The following PPP2R2C variants were observed in gnomAD, a reference collection of about 807,000 sequenced individuals.
The protein encoded by PPP2R2C is protein phosphatase 2, regulatory subunit B, gamma.
In PPP2R2C, 10 loss-of-function variants were observed where a neutral mutation model predicts 45.3. That is an observed-to-expected ratio of 0.22 (90% confidence interval 0.14 to 0.37). The LOEUF (loss-of-function observed/expected upper bound fraction) is 0.37, where lower values mean the gene tolerates loss of function less well. Among genes scored for constraint, PPP2R2C ranks in the 10% least tolerant of loss-of-function variants. The probability of loss-of-function intolerance (pLI) is 1.00; values close to 1 mark genes in which losing one functional copy is unlikely to be tolerated. For missense variants in PPP2R2C, 308 were observed against 619.7 expected (o/e 0.50, Z 5.34); for synonymous variants, 257 against 245.4 (o/e 1.05, Z -0.44).
At chr4:6,525,684 C>T (rs1211635859) in intron 2 of PPP2R2C, among the ~76,000 whole-genome samples, 1 of 152,114 alleles carries the variant, frequency 6.6e-6, no homozygotes, top group African/African-American at 2.4e-5. Context: ...CTTTCTTTTT[C>T]AGTTTCAACA....
intron 1 of PPP2R2C, among the ~76,000 whole-genome samples, chr4:6,561,580 A>G (rs1053313160): frequency 6.6e-6 from 1 of 152,040 alleles, no homozygotes; most frequent in African/African-American, 2.4e-5. Flanking sequence ...CAATTTTTTT[A>G]TTCCAAAAAG....
rs191238622 is a variant in PPP2R2C at position 6,495,545 on chromosome 4, T to C, written c.49+39726A>G. Among the ~76,000 whole-genome samples, 5 of 152,292 alleles carry C rather than the reference T, an allele frequency of 3.3e-5. No homozygotes were observed. The East Asian group carries it at 5.8e-4, about 18-fold the overall frequency. On this transcript the variant is annotated intron_variant, in intron 2 of 9. Coordinates refer to the PPP2R2C transcript ENST00000506140. ...TCCTGGTGAGGGAACAGGCACGGGATCAGGTCTGGGTTCATCCCATGCTCT... is the reference window on the plus strand; with the variant it reads ...TCCTGGTGAGGGAACAGGCACGGGACCAGGTCTGGGTTCATCCCATGCTCT...
In PPP2R2C at chr4:6,397,588, T is replaced by G. The variant is rs1332037204; in HGVS notation, c.71-16494A>C. 8.5e-5 allele frequency among the ~76,000 whole-genome samples: 13 copies of G among 152,278 alleles called. No homozygotes were observed. The East Asian group carries it at 2.3e-3, about 27-fold the overall frequency. On this transcript the variant is annotated intron_variant, in intron 1 of 8. Coordinates refer to ENST00000382599, the MANE Select transcript of PPP2R2C (RefSeq NM_020416.4). ...TCACAAGTTCTTGGCTAGGGGTGTG[T>G]ACCAGGAATGGTTGGAACCCACAGA... is the stretch of plus-strand genomic sequence containing the variant.
chr4:6,376,444 G>A (rs1715310132), intron 3 of PPP2R2C, among the ~76,000 whole-genome samples: 1 of 149,754 alleles, frequency 6.7e-6, no homozygotes, highest in Non-Finnish European at 1.5e-5. Flanking sequence ...GGAAGAAAGT[G>A]ACATGTCTTT....
chr4:6,537,616 T>C (rs187132479), intron 1 of PPP2R2C, among the ~76,000 whole-genome samples: 47 of 150,202 alleles, frequency 3.1e-4, no homozygotes, highest in Admixed American at 2.9e-3. Context: ...AGTGGTGCCA[T>C]CTCGGCTCAC....
At chr4:6,340,666 G>GC (rs960291034) in intron 6 of PPP2R2C, among the ~76,000 whole-genome samples, 1 of 152,204 alleles carries the variant, frequency 6.6e-6, no homozygotes, top group African/African-American at 2.4e-5. Flanking sequence ...GAACACGCTA[G>GC]CCCCCAGCCA....
chr4:6,452,068 C>T (rs1720765380), intron 1 of PPP2R2C, among the ~76,000 whole-genome samples: 1 of 152,162 alleles, frequency 6.6e-6, no homozygotes, highest in Admixed American at 6.5e-5. Context: ...TCCTCTGCCC[C>T]AGAGTGGCCT....
At chr4:6,510,980 C>CAACAA (rs1553905389) in intron 2 of PPP2R2C, among the ~76,000 whole-genome samples, 1 of 41,350 alleles carries the variant, frequency 2.4e-5, no homozygotes, top group Non-Finnish European at 9.7e-5. Context: ...CCGTCTCAAA[C>CAACAA]AAAAAAAAAC....
At chr4:6,513,132 G>A (rs989358044) in intron 2 of PPP2R2C, among the ~76,000 whole-genome samples, 3 of 152,146 alleles carry the variant, frequency 2.0e-5, no homozygotes, top group African/African-American at 7.2e-5. Flanking sequence ...AGGACAACAC[G>A]TAATTTATAC....
Position 6,368,911 on chromosome 4 carries a change from C to T in PPP2R2C, c.625+3612G>A, listed in dbSNP as rs1352150712. Among the ~76,000 whole-genome samples, 1 of 152,194 alleles carries T rather than the reference C, an allele frequency of 6.6e-6. No individual in the cohort carries two copies. Among genetic ancestry groups the T allele is most frequent in the African/African-American group, 2.4e-5 (1 of 41,442 alleles). ...AGTACATCAATAGCTTCATAGTTTC[C>T]CGTTCCCTGGAAGCAGGCAGGTGGG... On this transcript the variant is annotated intron_variant, in intron 5 of 8. Transcript: ENST00000382599. This position sits in a 1 kb window ranked among gnomAD's most constrained non-coding sequence, Gnocchi z 4.2.
At chr4:6,511,507 GTGGTGGTGGTGGTGGTGA>G (rs1723482611) in intron 2 of PPP2R2C, among the ~76,000 whole-genome samples, 2 of 27,212 alleles carry the variant, frequency 7.3e-5, no homozygotes, top group Non-Finnish European at 7.9e-5. Flanking sequence ...GGCGGTGATG[GTGGTGGTGGTGGTGGTGA>G]TGGTGGTGGT....
At chr4:6,496,523 T>G (rs1048538610) in intron 2 of PPP2R2C, among the ~76,000 whole-genome samples, 3 of 152,054 alleles carry the variant, frequency 2.0e-5, no homozygotes, top group Non-Finnish European at 2.9e-5. Context: ...TAGGTGTGAG[T>G]CCATTTGGAA....
At chr4:6,493,916 A>ATT (rs1404497572) in intron 2 of PPP2R2C, among the ~76,000 whole-genome samples, 16 of 152,352 alleles carry the variant, frequency 1.1e-4, no homozygotes, top group Middle Eastern at 3.4e-3. Context: ...ACATGCTGGA[A>ATT]TGTTAAAGCA....
chr4:6,553,796 C>A (rs1438886802), intron 1 of PPP2R2C, among the ~76,000 whole-genome samples: 1 of 152,132 alleles, frequency 6.6e-6, no homozygotes, highest in East Asian at 1.9e-4. Flanking sequence ...CCCGTGGATC[C>A]TCTGGGCCCC....
intron 1 of PPP2R2C, chr4:6,381,304 G>A: frequency 6.6e-7 from 1 of 1,525,092 alleles, no homozygotes; most frequent in Non-Finnish European, 8.8e-7. Flanking sequence ...TGCACTGGCT[G>A]CAGGGCAGAG....
chr4:6,481,777 G>T (rs754295756), intron 2 of PPP2R2C, among the ~76,000 whole-genome samples: 13 of 151,890 alleles, frequency 8.6e-5, no homozygotes, highest in Non-Finnish European at 1.8e-4. Flanking sequence ...TCAGGAGTTC[G>T]AGACAAGCCT....
intron 1 of PPP2R2C, among the ~76,000 whole-genome samples, chr4:6,429,655 G>C (rs1010793019): frequency 1.3e-5 from 2 of 152,152 alleles, no homozygotes; most frequent in Non-Finnish European, 2.9e-5. Flanking sequence ...TCTGTAATAA[G>C]AAAGCTCCGA....
intron 2 of PPP2R2C, among the ~76,000 whole-genome samples, chr4:6,529,978 C>T (rs939592029): frequency 6.6e-6 from 1 of 152,186 alleles, no homozygotes; most frequent in Non-Finnish European, 1.5e-5. Flanking sequence ...AGGCCACACT[C>T]AGTGCTGGGG....
At chr4:6,557,645 A>G (rs1725453583) in intron 1 of PPP2R2C, among the ~76,000 whole-genome samples, 1 of 152,126 alleles carries the variant, frequency 6.6e-6, no homozygotes, top group South Asian at 2.1e-4. Context: ...CTGTGTAGTG[A>G]GCGCTGTGGA....
Sources: gnomAD v4.1 joint callset for allele counts (sites outside exome capture counted in the v4.1 genomes callset) on GRCh38, gnomAD v4.1.1 for gene constraint, Gnocchi (gnomAD v3.1) non-coding constraint, MANE v1.5 for transcripts, NCBI Gene and HGNC (gene_info 2026-07-23, HGNC 2026-07-21) for gene names.